USO1: variants seen among roughly 807,000 people sequenced by gnomAD.
USO1 encodes the protein USO1 vesicle transport factor.
Under a neutral mutation model 124.5 loss-of-function variants are expected in USO1, and 57 were observed. That is an observed-to-expected ratio of 0.46 (90% CI 0.37 to 0.57). USO1 has a LOEUF of 0.57. USO1 is among the 20% of genes least tolerant of loss of function. The pLI is 0.00. For synonymous variants in USO1, 369 were observed against 362.8 expected (o/e 1.02, Z -0.19); for missense variants, 900 against 1,040.6 (o/e 0.86, Z 1.86).
At chr4:75,775,610 TGA>T (rs1007139959) in intron 8 of USO1, among the ~76,000 whole-genome samples, 7 of 152,114 alleles carry the variant, frequency 4.6e-5, no homozygotes, top group Admixed American at 4.6e-4. Flanking sequence ...ACCAACTACT[TGA>T]GTGTGTAATT....
At chr4:75,735,985 C>T (rs1237849974) in intron 1 of USO1, among the ~76,000 whole-genome samples, 1 of 152,040 alleles carries the variant, frequency 6.6e-6, no homozygotes, top group Non-Finnish European at 1.5e-5. Context: ...TCTGATTATG[C>T]CCAATTTACC....
intron 3 of USO1, 132 bp downstream of exon 3, chr4:75,752,736 C>T (rs988346401): frequency 5.2e-6 from 2 of 384,002 alleles, no homozygotes; most frequent in African/African-American, 2.1e-5. Context: ...ATGTTGCCCA[C>T]GCTGGTCTCG....
At chr4:75,808,373 C>A (rs911344657) in intron 20 of USO1, among the ~76,000 whole-genome samples, 1 of 152,166 alleles carries the variant, frequency 6.6e-6, no homozygotes, top group South Asian at 2.1e-4. Flanking sequence ...GAACGGTTGC[C>A]TGATGCCTAA....
chr4:75,793,999 GA>G, intron 13 of USO1, 98 bp downstream of exon 13: 1 of 1,503,952 alleles, frequency 6.6e-7, no homozygotes, highest in Non-Finnish European at 8.9e-7. Context: ...AAAGGACAGA[GA>G]AGACTTATTC....
chr4:75,793,858 C>G lies in USO1; in HGVS notation c.1409C>G (p.Pro470Arg). 2 of 1,613,946 alleles carry G rather than the reference C, an allele frequency of 1.2e-6. No individual in the cohort carries two copies. The highest frequency in any genetic ancestry group is 1.7e-6 in the Non-Finnish European group (2 of 1,179,874). ...CAACTTGCTACAAGTATTGGCAACCCTCCAGTTTCTTTACTTCAACAGTGC... is the reference window on the plus strand; with the variant it reads ...CAACTTGCTACAAGTATTGGCAACCGTCCAGTTTCTTTACTTCAACAGTGC... ...RVQLATSIGN[P>R]PVSLLQQCTN... is the part of the protein sequence containing the mutation. Residue 470 changes from proline (P) to arginine (R), a missense_variant, in exon 13 of 24, where the codon CCT (proline) becomes CGT (arginine). This residue lies in a region of USO1 where 538 missense variants were observed against 681.6 expected (regional missense o/e 0.79). Coordinates refer to ENST00000514213, the MANE Select transcript of USO1 (RefSeq NM_003715.4).
intron 13 of USO1, among the ~76,000 whole-genome samples, chr4:75,796,439 G>A (rs528927630): frequency 3.1e-3 from 463 of 150,440 alleles, no homozygotes; most frequent in African/African-American, 0.011. Flanking sequence ...GGGTTCAAGC[G>A]ATTCTCCTGC....
At chr4:75,759,112 T>G (rs1029280014) in intron 4 of USO1, among the ~76,000 whole-genome samples, 16 of 151,012 alleles carry the variant, frequency 1.1e-4, no homozygotes, top group African/African-American at 2.2e-4. Context: ...AGTTAGGAGG[T>G]TTTTTTTTAA....
chr4:75,762,207 T>A (rs565646306), intron 4 of USO1, among the ~76,000 whole-genome samples: 2 of 146,240 alleles, frequency 1.4e-5, no homozygotes, highest in Non-Finnish European at 3.0e-5. Flanking sequence ...AGTCTCACTC[T>A]GTTGCCAGGC....
Position 75,809,029 on chromosome 4 carries a change from T to C in USO1, c.2453T>C (p.Leu818Pro). ...ITKLQTEKQE[L>P]LQKTEAFAKS... ...AAACTACAGACAGAAAAGCAGGAACTGTTACAGAAAACAGAAGCGTTTGTA... is the reference window on the plus strand; with the variant it reads ...AAACTACAGACAGAAAAGCAGGAACCGTTACAGAAAACAGAAGCGTTTGTA... Residue 818 changes from leucine (L) to proline (P), a missense_variant, in exon 21 of 24, where the codon CTG becomes CCG. This residue lies in a region of USO1 where 362 missense variants were observed against 359.0 expected (regional missense o/e 1.01). Coordinates refer to ENST00000514213, the MANE Select transcript of USO1 (RefSeq NM_003715.4). 2 of 1,601,776 alleles carry C rather than the reference T, an allele frequency of 1.2e-6. No homozygotes were observed. The highest frequency in any genetic ancestry group is 1.3e-5 in the African/African-American group (1 of 74,784).
At chr4:75,810,090 G>T (rs1413728220) in intron 21 of USO1, among the ~76,000 whole-genome samples, 1 of 152,270 alleles carries the variant, frequency 6.6e-6, no homozygotes, top group African/African-American at 2.4e-5. Context: ...TGGACTTATA[G>T]GAAATTTATG....
chr4:75,734,333 C>A (rs1176758181), intron 1 of USO1, among the ~76,000 whole-genome samples: 1 of 152,086 alleles, frequency 6.6e-6, no homozygotes, highest in East Asian at 1.9e-4. Flanking sequence ...GGTAAGGGCC[C>A]AGTTTCATTC....
chr4:75,810,672 C>T lies in USO1; in HGVS notation c.2583+133C>T, dbSNP rs1183808007. 4 of 1,121,354 alleles carry T rather than the reference C, an allele frequency of 3.6e-6. No homozygotes were observed. The African/African-American group carries it at 6.4e-5, about 18-fold the overall frequency. The allele number at this position is 1,121,354 out of a possible 1,614,324, so 69.5% of individuals were successfully genotyped here. On this transcript the variant is annotated intron_variant, in intron 22 of 23. Transcript: ENST00000514213. ...GTAATTTTATCTCACAACATTTTCA[C>T]TCCTATATTGATGATTTAAGATGGC...
At chr4:75,750,618 G>A (rs1197513613) in intron 1 of USO1, among the ~76,000 whole-genome samples, 1 of 151,956 alleles carries the variant, frequency 6.6e-6, no homozygotes, top group Non-Finnish European at 1.5e-5. Context: ...CGAGTAGCTG[G>A]GGACTATAGG....
chr4:75,725,282 C>T (rs891450382), intron 1 of USO1, among the ~76,000 whole-genome samples: 7 of 152,210 alleles, frequency 4.6e-5, no homozygotes, highest in Non-Finnish European at 8.8e-5. Context: ...CGAGAGGAGC[C>T]TGAAGTCCTG....
chr4:75,765,027 C>G (rs17000802), intron 4 of USO1, among the ~76,000 whole-genome samples: 3 of 152,110 alleles, frequency 2.0e-5, no homozygotes, highest in African/African-American at 7.2e-5. Context: ...TCTCTGCTAT[C>G]TTCACACCAC....
At chr4:75,780,461 A>T (rs1400242755) in intron 8 of USO1, among the ~76,000 whole-genome samples, 1 of 150,474 alleles carries the variant, frequency 6.6e-6, no homozygotes, top group African/African-American at 2.4e-5. Context: ...TTTAGTAGAG[A>T]TGGGGCTTCA....
intron 1 of USO1, among the ~76,000 whole-genome samples, chr4:75,745,157 C>T (rs1721087512): frequency 1.3e-5 from 2 of 152,110 alleles, no homozygotes; most frequent in African/African-American, 4.8e-5. Context: ...TCCTTATTAT[C>T]TCAGCTAGTT....
At chr4:75,808,807 G>A in intron 20 of USO1, 146 bp from the exon 21 acceptor site, 1 of 857,434 alleles carries the variant, frequency 1.2e-6, no homozygotes, top group South Asian at 2.0e-5. Flanking sequence ...TTTCCATCTT[G>A]AACCCAAAAT....
chr4:75,764,281 C>T (rs915757409), intron 4 of USO1, among the ~76,000 whole-genome samples: 1 of 152,154 alleles, frequency 6.6e-6, no homozygotes, highest in African/African-American at 2.4e-5. Context: ...TTCCTTAAAG[C>T]ATAGCACAGA....
Sources: gnomAD v4.1 joint callset for allele counts (sites outside exome capture counted in the v4.1 genomes callset) on GRCh38, gnomAD v4.1.1 for gene constraint, gnomAD v4.1.1 regional missense constraint, MANE v1.5 for transcripts, NCBI Gene and HGNC (gene_info 2026-07-23, HGNC 2026-07-21) for gene names.